The following RPS6KC1 variants were observed in gnomAD, a reference collection of about 807,000 sequenced individuals.
RPS6KC1 encodes the protein inactive ribosomal protein S6 kinase delta-1.
In RPS6KC1, 54 loss-of-function variants were observed where a neutral mutation model predicts 103.8. That is an observed-to-expected ratio of 0.52 (90% CI 0.42 to 0.65). RPS6KC1 has a LOEUF of 0.65. RPS6KC1 is among the 30% of genes least tolerant of loss of function. The pLI is 0.00. For missense variants in RPS6KC1, 1,151 were observed against 1,253.8 expected (o/e 0.92, Z 1.24); for synonymous variants, 439 against 438.7 (o/e 1.00, Z -0.01).
Position 213,167,983 on chromosome 1 carries a change from A to C in RPS6KC1, c.951+10A>C. On this transcript the variant is annotated intron_variant, in intron 7 of 14. Transcript: ENST00000366960. ...TGATGATGTATCTCAGGTATGTCTC[A>C]TATTTTGTTGTGTGTTTTCTTCAGT... The C allele has an allele frequency of 2.2e-5, 35 of 1,563,646 alleles. No homozygotes were observed. Among genetic ancestry groups the C allele is most frequent in the Non-Finnish European group, 2.9e-5 (33 of 1,136,506 alleles).
the RPS6KC1 span, among the ~76,000 whole-genome samples, chr1:213,368,467 GA>G: frequency 1.3e-5 from 2 of 152,210 alleles, no homozygotes; most frequent in Non-Finnish European, 2.9e-5. Context: ...GATTCTTAGG[GA>G]GGGGGCTCCT....
intron 6 of RPS6KC1, among the ~76,000 whole-genome samples, chr1:213,146,616 G>C (rs995286428): frequency 5.7e-4 from 87 of 151,634 alleles, no homozygotes; most frequent in Non-Finnish European, 1.9e-4. Context: ...TAGTAGAGAC[G>C]GGGTTTCTCT....
the RPS6KC1 span, among the ~76,000 whole-genome samples, chr1:213,411,187 G>C: frequency 6.6e-6 from 1 of 152,144 alleles, no homozygotes; most frequent in Non-Finnish European, 1.5e-5. Flanking sequence ...TTTACGGAAG[G>C]CCTTCTTAAT....
the RPS6KC1 span, among the ~76,000 whole-genome samples, chr1:213,371,853 A>G: frequency 2.0e-5 from 3 of 152,054 alleles, no homozygotes; most frequent in African/African-American, 7.2e-5. Flanking sequence ...TCACCTCTCC[A>G]GGCATTTGAA....
the RPS6KC1 span, among the ~76,000 whole-genome samples, chr1:213,339,050 G>A: frequency 6.6e-6 from 1 of 152,120 alleles, no homozygotes; most frequent in Non-Finnish European, 1.5e-5. Flanking sequence ...GATCACCTGA[G>A]GTCAGGAGTT....
At chr1:213,244,387 A>C (rs1343039815) in intron 12 of RPS6KC1, among the ~76,000 whole-genome samples, 1 of 152,186 alleles carries the variant, frequency 6.6e-6, no homozygotes, top group Non-Finnish European at 1.5e-5. Flanking sequence ...ACCATATAAC[A>C]AAACAAAACC....
At chr1:213,089,842 A>C (rs1211196645) in intron 3 of RPS6KC1, among the ~76,000 whole-genome samples, 3 of 152,066 alleles carry the variant, frequency 2.0e-5, no homozygotes, top group African/African-American at 4.8e-5. Flanking sequence ...TGCTCAACTT[A>C]TTTTTCAAGT....
chr1:213,351,664 C>T, the RPS6KC1 span, among the ~76,000 whole-genome samples: 2 of 152,148 alleles, frequency 1.3e-5, no homozygotes, highest in African/African-American at 4.8e-5. Flanking sequence ...GTGAAGGGAT[C>T]ACAGGGTCTC....
At chr1:213,308,255 A>G in the RPS6KC1 span, among the ~76,000 whole-genome samples, 1 of 148,846 alleles carries the variant, frequency 6.7e-6, no homozygotes, top group Non-Finnish European at 1.5e-5. Flanking sequence ...CAGAGGTTGC[A>G]GTGAGCCGAG....
At chr1:213,153,800 G>T (rs1460377897) in intron 6 of RPS6KC1, among the ~76,000 whole-genome samples, 2 of 152,088 alleles carry the variant, frequency 1.3e-5, no homozygotes, top group Non-Finnish European at 2.9e-5. Flanking sequence ...GTCTGGGAAG[G>T]TGTTTATTTT....
the RPS6KC1 span, among the ~76,000 whole-genome samples, chr1:213,654,047 G>A: frequency 6.6e-6 from 1 of 152,194 alleles, no homozygotes; most frequent in Non-Finnish European, 1.5e-5. Flanking sequence ...TGTACAGATG[G>A]GCAAACTGTG....
the RPS6KC1 span, among the ~76,000 whole-genome samples, chr1:213,588,259 G>T: frequency 0.024 from 3,649 of 151,532 alleles, 148 homozygotes; most frequent in African/African-American, 0.083. Context: ...CATGAGAGTA[G>T]AGTCCTCATG....
chr1:213,751,861 ATGCTCAATAAG>A, the RPS6KC1 span, among the ~76,000 whole-genome samples: 1 of 152,206 alleles, frequency 6.6e-6, no homozygotes, highest in African/African-American at 2.4e-5. Flanking sequence ...TATTTACTAA[ATGCTCAATAAG>A]TGGTAGTATT....
the RPS6KC1 span, among the ~76,000 whole-genome samples, chr1:213,626,412 C>A: frequency 6.6e-6 from 1 of 152,188 alleles, no homozygotes. Flanking sequence ...TTTTGCTGTG[C>A]AGAAGCTCTT....
chr1:213,607,091 G>A, the RPS6KC1 span, among the ~76,000 whole-genome samples: 5 of 152,270 alleles, frequency 3.3e-5, no homozygotes, highest in East Asian at 3.9e-4. Flanking sequence ...TATGTCTTAC[G>A]TGCTCAGCAA....
intron 3 of RPS6KC1, among the ~76,000 whole-genome samples, chr1:213,098,630 TTAAC>T (rs1425608153): frequency 6.6e-6 from 1 of 152,156 alleles, no homozygotes; most frequent in Admixed American, 6.5e-5. Flanking sequence ...TCAACACCTA[TTAAC>T]TAAGTTTGCG....
intron 5 of RPS6KC1, among the ~76,000 whole-genome samples, chr1:213,124,868 A>T (rs960268593): frequency 2.1e-4 from 32 of 152,120 alleles, no homozygotes; most frequent in Non-Finnish European, 3.7e-4. Context: ...CTTCAAGAGG[A>T]TAATTAAAGG....
chr1:213,720,628 A>C, the RPS6KC1 span, among the ~76,000 whole-genome samples: 17 of 152,312 alleles, frequency 1.1e-4, 1 homozygote, highest in Admixed American at 1.0e-3. Context: ...GAATTTAGAG[A>C]TAGGTTCTTA....
the RPS6KC1 span, among the ~76,000 whole-genome samples, chr1:213,383,568 G>A: frequency 6.6e-6 from 1 of 151,452 alleles, no homozygotes. Context: ...AAATATTTGT[G>A]TCCCCCACCC....
Sources: allele counts gnomAD v4.1 joint callset (sites outside exome capture counted in the v4.1 genomes callset), GRCh38; gene constraint gnomAD v4.1.1; transcripts MANE v1.5; gene names NCBI Gene and HGNC (gene_info 2026-07-23, HGNC 2026-07-21).